WDR86: variants seen among roughly 807,000 people sequenced by gnomAD.
WDR86 encodes the protein WD repeat-containing protein 86.
In WDR86, 30 loss-of-function variants were observed where a neutral mutation model predicts 36.5. The observed-to-expected ratio is 0.82, with a 90% confidence interval of 0.61 to 1.11. WDR86 has a LOEUF of 1.11. WDR86 is among the 50% of genes most tolerant of loss of function. WDR86 has a pLI of 0.00. For missense variants in WDR86, 545 were observed against 561.2 expected, an observed-to-expected ratio of 0.97 and a Z score of 0.29; for synonymous variants, 255 against 252.9, an observed-to-expected ratio of 1.01 and a Z score of -0.08.
intron 3 of WDR86, among the ~76,000 whole-genome samples, chr7:151,386,840 T>G (rs1036902214): frequency 7.9e-5 from 12 of 152,112 alleles, no homozygotes; most frequent in African/African-American, 2.9e-4. Flanking sequence ...CACACCTGTG[T>G]CCACACTGCT....
At position 151,381,381 on chromosome 7, in the gene WDR86, C is replaced by T; in HGVS notation, c.*201G>A. ...ACCCTAAAAGGGAAAAGGGGGCGGT[C>T]CCCAGGGCGAGCACTCCCGCTCCCA... On this transcript the variant is annotated 3_prime_UTR_variant, in exon 6 of 6. Transcript: ENST00000334493. The surrounding 1 kb of genome is among the most constrained non-coding windows in gnomAD (Gnocchi z 4.8). 2 of 1,453,866 alleles carry T rather than the reference C, an allele frequency of 1.4e-6. No individual in the cohort carries two copies. The highest frequency in any genetic ancestry group is 1.8e-6 in the Non-Finnish European group (2 of 1,113,470). 90.1% of individuals were successfully genotyped at this position (1,453,866 alleles called of 1,614,324 possible).
chr7:151,391,691 A>G (rs1799450545), intron 3 of WDR86, among the ~76,000 whole-genome samples: 1 of 152,314 alleles, frequency 6.6e-6, no homozygotes, highest in Non-Finnish European at 1.5e-5. Flanking sequence ...CAATGTTACA[A>G]CACACTCAGA....
chr7:151,395,076 A>G (rs1427132637), intron 3 of WDR86, among the ~76,000 whole-genome samples: 2 of 152,078 alleles, frequency 1.3e-5, no homozygotes, highest in African/African-American at 4.8e-5. Context: ...CGGGGCAGCA[A>G]CCCCACGTCC....
rs201328113 is a variant in WDR86, at chr7:151,395,911, C to T, written c.591G>A (p.Leu197=). ...QTLRGHTGAV[L]CLVLDTPGHT... ...GGCCGGGCGTGTCTAGCACTAGGCA[C>T]AGCACTGCACCCGTGTGGCCCCGCA... The change falls in exon 3 of 6, where the codon CTG becomes CTA. Residue 197 remains leucine, a synonymous_variant. Transcript: ENST00000334493. 7.0e-4 allele frequency: 1,115 copies of T among 1,601,264 alleles called. 13 individuals carry two copies. In the East Asian group the frequency reaches 0.023, roughly 33 times the overall value.
chr7:151,392,514 G>A (rs1299492414), intron 3 of WDR86, among the ~76,000 whole-genome samples: 20 of 152,168 alleles, frequency 1.3e-4, no homozygotes, highest in Admixed American at 1.2e-3. Context: ...TACCCGGGGG[G>A]TGGGCCTTGC....
At chr7:151,399,506 C>T (rs1433305263) in intron 2 of WDR86, among the ~76,000 whole-genome samples, 2 of 152,208 alleles carry the variant, frequency 1.3e-5, no homozygotes, top group Non-Finnish European at 2.9e-5. Flanking sequence ...CTCGGGAGTC[C>T]GAGGTGACCA....
At chr7:151,379,866 C>G (rs1458987523), downstream of WDR86, among the ~76,000 whole-genome samples, 9 of 152,144 alleles carry the variant, frequency 5.9e-5, no homozygotes, top group Non-Finnish European at 1.2e-4. Context: ...CTTCGGCAAG[C>G]AGGAGTCAGT....
At chr7:151,391,077 G>A (rs1210530150) in intron 3 of WDR86, among the ~76,000 whole-genome samples, 1 of 152,362 alleles carries the variant, frequency 6.6e-6, no homozygotes, top group East Asian at 1.9e-4. Context: ...GGACCCGAGA[G>A]GGCCAATCAG....
intron 3 of WDR86, among the ~76,000 whole-genome samples, chr7:151,393,792 A>G (rs1216689761): frequency 1.3e-5 from 2 of 152,060 alleles, no homozygotes; most frequent in African/African-American, 4.8e-5. Context: ...TCGGGCCACT[A>G]GTGCTGACTC....
chr7:151,374,768 T>C (rs1357257953), downstream of WDR86: 1 of 169,034 alleles, frequency 5.9e-6, no homozygotes, highest in Admixed American at 5.7e-5. Flanking sequence ...TGGAGAAGCA[T>C]ATCGAATCCT....
In WDR86 at chr7:151,405,182, T is replaced by C. The variant is rs2150868041; in HGVS notation, c.163+4245A>G. 6.6e-6 allele frequency among the ~76,000 whole-genome samples: 1 copy of C among 152,118 alleles called. No homozygotes were observed. The highest frequency in any genetic ancestry group is 1.9e-4 in the East Asian group (1 of 5,150). On this transcript the variant is annotated intron_variant, in intron 1 of 5. Transcript: ENST00000334493. The surrounding 1 kb of genome is among the most constrained non-coding windows in gnomAD (Gnocchi z 4.7). ...ACTTCACAGTGGGCTCACTCTTATC[T>C]AAGACTCCCATTGGGTTAGAAAAGA...
At chr7:151,375,003 G>A (rs1010556557), downstream of WDR86, among the ~76,000 whole-genome samples, 1 of 149,878 alleles carries the variant, frequency 6.7e-6, no homozygotes, top group Non-Finnish European at 1.5e-5. Flanking sequence ...GGCTTAGGTT[G>A]TGCACGTGCT....
chr7:151,380,431 C>T (rs1798494713), downstream of WDR86, among the ~76,000 whole-genome samples: 1 of 106,190 alleles, frequency 9.4e-6, no homozygotes, highest in Admixed American at 9.5e-5. Flanking sequence ...GGCTGCTCCA[C>T]TTGAAGGGGC....
At chr7:151,374,246 A>G (rs1798100244), downstream of WDR86, 1 of 1,553,002 alleles carries the variant, frequency 6.4e-7, no homozygotes, top group Non-Finnish European at 8.7e-7. Flanking sequence ...CCCTGAAGGT[A>G]GCAGCTCCCT....
chr7:151,409,287 C>G lies in WDR86; in HGVS notation c.163+140G>C. 7.3e-7 allele frequency: 1 copy of G among 1,368,366 alleles called. No homozygotes were observed. The highest frequency in any genetic ancestry group is 1.0e-6 in the Non-Finnish European group (1 of 997,682). 84.8% of individuals were successfully genotyped at this position (1,368,366 alleles called of 1,614,324 possible). Reference sequence around the variant, plus strand: ...TCAACAGCCAGATGCTGGGCCCAGACAAGCGCTCTTCCGCTAGTGTGCCGG... The same window carrying G: ...TCAACAGCCAGATGCTGGGCCCAGAGAAGCGCTCTTCCGCTAGTGTGCCGG... On this transcript the variant is annotated intron_variant, in intron 1 of 5. Transcript: ENST00000334493. This position sits in a 1 kb window ranked among gnomAD's most constrained non-coding sequence, Gnocchi z 5.2.
exon 2 of WDR86, chr7:151,376,079 C>A: frequency 3.0e-6 from 2 of 676,870 alleles, no homozygotes; most frequent in Middle Eastern, 3.2e-4. Flanking sequence ...GTGTAACCTG[C>A]CCACCTCAGA....
In WDR86 at chr7:151,381,448, G is replaced by A. The variant is rs1359550064; in HGVS notation, c.*134C>T. 2 of 1,491,946 alleles carry A rather than the reference G, an allele frequency of 1.3e-6. No homozygotes were observed. The highest frequency in any genetic ancestry group is 1.3e-5 in the South Asian group (1 of 79,714). 92.4% of individuals were successfully genotyped at this position (1,491,946 alleles called of 1,614,324 possible). A position where few individuals can be genotyped will look rare whatever the true frequency, so the allele number is the denominator to read the frequency against. On this transcript the variant is annotated 3_prime_UTR_variant, in exon 6 of 6. Coordinates refer to ENST00000334493, the MANE Select transcript of WDR86 (RefSeq NM_198285.3). This position sits in a 1 kb window ranked among gnomAD's most constrained non-coding sequence, Gnocchi z 4.8. Reference sequence around the variant, plus strand: ...AAAGAAAAACCAGACGCCTGCGACGGGCTCTCCTCCCGCCCGGGCTTCCTC... The same window carrying A: ...AAAGAAAAACCAGACGCCTGCGACGAGCTCTCCTCCCGCCCGGGCTTCCTC...
intron 4 of WDR86, among the ~76,000 whole-genome samples, chr7:151,382,568 C>A (rs953477050): frequency 1.3e-5 from 2 of 152,222 alleles, no homozygotes; most frequent in African/African-American, 4.8e-5. Context: ...GAGGTCTTAG[C>A]CACAGATCGC....
At chr7:151,369,692 A>G in the WDR86 span, among the ~76,000 whole-genome samples, 2 of 152,256 alleles carry the variant, frequency 1.3e-5, no homozygotes, top group African/African-American at 2.4e-5. Context: ...GTGGAATATT[A>G]GCAGGAGAGC....
Sources: gnomAD v4.1 joint callset for allele counts (sites outside exome capture counted in the v4.1 genomes callset) on GRCh38, gnomAD v4.1.1 for gene constraint, Gnocchi (gnomAD v3.1) non-coding constraint, MANE v1.5 for transcripts, NCBI Gene and HGNC (gene_info 2026-07-23, HGNC 2026-07-21) for gene names.